EML1: variants seen among roughly 807,000 people sequenced by gnomAD.
EML1 encodes the protein EMAP like 1.
A neutral mutation model predicts 110.4 loss-of-function variants in EML1; 27 were observed. The observed-to-expected ratio is 0.24, with a 90% CI of 0.18 to 0.34. The LOEUF (loss-of-function observed/expected upper bound fraction) is 0.34, where lower values mean the gene tolerates loss of function less well. EML1 is among the 10% of genes least tolerant of loss of function. EML1 has a pLI of 1.00. For missense variants in EML1, 741 were observed against 1,030.9 expected, an observed-to-expected ratio of 0.72 and a Z score of 3.85; for synonymous variants, 344 against 385.8, an observed-to-expected ratio of 0.89 and a Z score of 1.27.
Position 99,907,700 on chromosome 14 carries a change from C to T in EML1, c.1071C>T (p.Asp357=). 1 of 1,614,192 alleles carries T rather than the reference C, an allele frequency of 6.2e-7. No homozygotes were observed. Among genetic ancestry groups the T allele is most frequent in the Non-Finnish European group, 8.5e-7 (1 of 1,180,030 alleles). The change falls in exon 10 of 22, where the codon GAC becomes GAT. Residue 357 remains aspartate, a synonymous_variant. Transcript: ENST00000262233. Reference sequence around the variant, plus strand: ...ACGACCATGTGCTCTCTGTATGGGACTGGCAGAAAGAAGAAAAACTAGCAG... The same window carrying T: ...ACGACCATGTGCTCTCTGTATGGGATTGGCAGAAAGAAGAAAAACTAGCAG... ...DSNDHVLSVW[D]WQKEEKLADV...
rs886773389 is a variant in EML1, at chr14:99,936,189, C to T, written c.2008-58C>T. On this transcript the variant is annotated intron_variant, in intron 18 of 21. Coordinates refer to ENST00000262233, the MANE Select transcript of EML1 (RefSeq NM_004434.3). The surrounding 1 kb of genome is among the most constrained non-coding windows in gnomAD (Gnocchi z 5.5). ...TGCGTATAGTTTAACTACCGTGGAA[C>T]AGTGTTGGCAGGGACTTCTAAGGCC... 12 of 1,611,960 alleles carry T rather than the reference C, an allele frequency of 7.4e-6. No homozygotes were observed. The African/African-American group carries it at 1.3e-4, about 18-fold the overall frequency.
At chr14:99,855,636 G>T (rs11625838) in intron 2 of EML1, among the ~76,000 whole-genome samples, 38,126 of 152,092 alleles carry the variant, frequency 0.25, 5,221 homozygotes, top group Non-Finnish European at 0.3. Flanking sequence ...TTGAAATTTT[G>T]CTTGTTTGTT....
intron 5 of EML1, 34 bp from the exon 6 acceptor site, chr14:99,894,595 A>T: frequency 6.2e-7 from 1 of 1,600,668 alleles, no homozygotes. Flanking sequence ...CTGGGCACTG[A>T]GGTATCTTAC....
At chr14:99,886,318 C>CA (rs1428188943) in intron 4 of EML1, among the ~76,000 whole-genome samples, 2 of 152,072 alleles carry the variant, frequency 1.3e-5, no homozygotes, top group African/African-American at 4.8e-5. Context: ...CCTGTCTCTA[C>CA]AAAAAATCTA....
intron 17 of EML1, among the ~76,000 whole-genome samples, chr14:99,933,578 G>A (rs934246591): frequency 3.9e-5 from 6 of 152,244 alleles, no homozygotes; most frequent in African/African-American, 9.6e-5. Context: ...AAAGCTGGTC[G>A]GAGGGGCAGT....
At chr14:99,793,349 C>T (rs1308132479), upstream of EML1, 72 of 986,082 alleles carry the variant, frequency 7.3e-5, no homozygotes, top group South Asian at 9.0e-5. Flanking sequence ...TGGTAACCGG[C>T]AGCAGCAGCC....
chr14:99,881,865 C>T (rs980215903), intron 4 of EML1, among the ~76,000 whole-genome samples: 1 of 152,176 alleles, frequency 6.6e-6, no homozygotes, highest in Non-Finnish European at 1.5e-5. Context: ...TCCCAAAGTG[C>T]TGGGATTACA....
chr14:99,895,039 T>C (rs2059648944), intron 6 of EML1, among the ~76,000 whole-genome samples: 1 of 152,226 alleles, frequency 6.6e-6, no homozygotes, highest in Non-Finnish European at 1.5e-5. Flanking sequence ...TACATGTTCA[T>C]TATTTTGCTG....
intron 1 of EML1, among the ~76,000 whole-genome samples, chr14:99,783,975 G>A (rs1250301023): frequency 6.6e-6 from 1 of 152,248 alleles, no homozygotes; most frequent in African/African-American, 2.4e-5. Flanking sequence ...AAATCCTGTT[G>A]ATTGGTGGAG....
At position 99,876,565 on chromosome 14, in the gene EML1, C is replaced by T. The variant is rs143243007; in HGVS notation, c.384-1920C>T. ...TCCCCAGGGCTCTTCTGTCCTTGGT[C>T]ACCTCCTCCCTCGGTGATTTCCTCT... On this transcript the variant is annotated intron_variant, in intron 3 of 21. Coordinates refer to ENST00000262233, the MANE Select transcript of EML1 (RefSeq NM_004434.3). Among the ~76,000 whole-genome samples, 416 of 152,318 alleles carry T rather than the reference C, an allele frequency of 2.7e-3. 3 individuals carry two copies. Among genetic ancestry groups the T allele is most frequent in the Non-Finnish European group, 5.2e-3 (352 of 68,028 alleles).
At chr14:99,807,146 A>C (rs565153269) in intron 1 of EML1, among the ~76,000 whole-genome samples, 1 of 152,188 alleles carries the variant, frequency 6.6e-6, no homozygotes, top group Non-Finnish European at 1.5e-5. Flanking sequence ...GTGCAGACGA[A>C]TAATGAACTC....
At chr14:99,875,020 A>AC in intron 3 of EML1, 1 of 1,603,964 alleles carries the variant, frequency 6.2e-7, no homozygotes, top group Non-Finnish European at 8.5e-7. Flanking sequence ...TTGTCACCAT[A>AC]GCTGTTCCTT....
At chr14:99,887,653 G>A (rs78927354) in intron 4 of EML1, among the ~76,000 whole-genome samples, 8 of 152,166 alleles carry the variant, frequency 5.3e-5, no homozygotes, top group African/African-American at 1.4e-4. Flanking sequence ...GATGAATTAC[G>A]TAACACCTTG....
chr14:99,881,654 G>T (rs984604107), intron 4 of EML1, among the ~76,000 whole-genome samples: 1 of 149,048 alleles, frequency 6.7e-6, no homozygotes, highest in South Asian at 2.1e-4. Context: ...AGGCTGGAGT[G>T]CAGTGGCACA....
chr14:99,894,008 C>G (rs2059632070), intron 5 of EML1, among the ~76,000 whole-genome samples: 1 of 152,160 alleles, frequency 6.6e-6, no homozygotes, highest in Non-Finnish European at 1.5e-5. Context: ...AAGAGTTTTG[C>G]ATCCTGATTT....
At chr14:99,881,903 C>T (rs1421929269) in intron 4 of EML1, among the ~76,000 whole-genome samples, 5 of 152,162 alleles carry the variant, frequency 3.3e-5, no homozygotes, top group South Asian at 4.1e-4. Flanking sequence ...CTGGCCAAAA[C>T]TGTATTCTTT....
At position 99,923,501 on chromosome 14, in the gene EML1, C is replaced by T. The variant is rs754952334; in HGVS notation, c.1909+2624C>T. Among the ~76,000 whole-genome samples, 15 of 55,324 alleles carry T rather than the reference C, an allele frequency of 2.7e-4. No individual in the cohort carries two copies. The South Asian group carries it at 3.3e-3, about 12-fold the overall frequency. 36.3% of individuals were successfully genotyped at this position (55,324 alleles called of 152,430 possible). A position where few individuals can be genotyped will look rare whatever the true frequency, so the allele number is the denominator to read the frequency against. On this transcript the variant is annotated intron_variant, in intron 17 of 21. Transcript: ENST00000262233. ...ATGGTGAGAAGGAAGAGCCTGTTTG[C>T]TCTGCATAGAGGTATCTAGTTGTCC...
At chr14:99,765,471 A>G (rs1044636693) in intron 1 of EML1, among the ~76,000 whole-genome samples, 2 of 152,130 alleles carry the variant, frequency 1.3e-5, no homozygotes, top group Non-Finnish European at 2.9e-5. Flanking sequence ...GTGTAATCAT[A>G]TAGTATTTGT....
intron 1 of EML1, among the ~76,000 whole-genome samples, chr14:99,749,829 C>T (rs546012952): frequency 1.3e-5 from 2 of 152,362 alleles, no homozygotes; most frequent in African/African-American, 4.8e-5. Flanking sequence ...AGATGGCACA[C>T]GTTCAATGCA....
Sources: gnomAD v4.1 joint callset for allele counts (sites outside exome capture counted in the v4.1 genomes callset) on GRCh38, gnomAD v4.1.1 for gene constraint, Gnocchi (gnomAD v3.1) non-coding constraint, MANE v1.5 for transcripts, NCBI Gene and HGNC (gene_info 2026-07-23, HGNC 2026-07-21) for gene names.